The following CSMD1 variants were observed in gnomAD, a reference collection of about 807,000 sequenced individuals.
CSMD1 encodes CUB and Sushi multiple domains 1.
CSMD1 carries 213 observed loss-of-function variants against 417.5 expected under a neutral mutation model. That is an observed-to-expected ratio of 0.51 (90% CI 0.46 to 0.57). CSMD1 has a LOEUF of 0.57. Among genes scored for constraint, CSMD1 ranks in the 20% least tolerant of loss-of-function variants. The probability of loss-of-function intolerance (pLI) is 0.00; values close to 1 mark genes in which losing one functional copy is unlikely to be tolerated. For missense variants in CSMD1, 6,923 were observed against 4,529.7 expected, an observed-to-expected ratio of 1.53 and a Z score of -15.17; for synonymous variants, 2,862 against 1,736.8, an observed-to-expected ratio of 1.65 and a Z score of -16.11.
chr8:4,331,213 T>A (rs957740379), intron 3 of CSMD1, among the ~76,000 whole-genome samples: 1 of 152,168 alleles, frequency 6.6e-6, no homozygotes, highest in Admixed American at 6.5e-5. Context: ...ACAAGATTAC[T>A]GCCTCCCAGG....
intron 7 of CSMD1, among the ~76,000 whole-genome samples, chr8:3,685,135 GT>G (rs1337069380): frequency 6.6e-5 from 10 of 152,112 alleles, no homozygotes; most frequent in African/African-American, 2.4e-4. Context: ...TTTTTAAAGT[GT>G]TTTGATGTCA....
At chr8:4,116,389 C>G (rs967126737) in intron 3 of CSMD1, among the ~76,000 whole-genome samples, 2 of 152,174 alleles carry the variant, frequency 1.3e-5, no homozygotes, top group African/African-American at 4.8e-5. Flanking sequence ...TGGAATATAC[C>G]ACACCATGAA....
At chr8:3,324,979 G>GA (rs918176302) in intron 23 of CSMD1, among the ~76,000 whole-genome samples, 24 of 145,388 alleles carry the variant, frequency 1.7e-4, no homozygotes, top group South Asian at 4.3e-4. Flanking sequence ...TGGTTTAAAA[G>GA]AAAAAAAAAA....
intron 5 of CSMD1, among the ~76,000 whole-genome samples, chr8:3,804,236 G>A (rs1800608742): frequency 6.6e-6 from 1 of 152,002 alleles, no homozygotes; most frequent in Admixed American, 6.6e-5. Context: ...CAAGCCTAGA[G>A]ACAAAATTTT....
intron 5 of CSMD1, among the ~76,000 whole-genome samples, chr8:3,869,487 C>T (rs1291006654): frequency 6.6e-6 from 1 of 152,148 alleles, no homozygotes; most frequent in Non-Finnish European, 1.5e-5. Flanking sequence ...CCCTAAATGG[C>T]TAGTGAGGCT....
chr8:4,234,298 T>C (rs1278354218), intron 3 of CSMD1, among the ~76,000 whole-genome samples: 2 of 152,158 alleles, frequency 1.3e-5, no homozygotes, highest in African/African-American at 2.4e-5. Context: ...GACCCATCCA[T>C]AGAGCTGGCG....
At chr8:3,664,422 A>T (rs1406710928) in intron 7 of CSMD1, among the ~76,000 whole-genome samples, 1 of 152,196 alleles carries the variant, frequency 6.6e-6, no homozygotes, top group Non-Finnish European at 1.5e-5. Flanking sequence ...TTCTCTTCCA[A>T]AACCATGTTA....
chr8:4,638,052 G>C (rs1802948392), intron 1 of CSMD1, among the ~76,000 whole-genome samples: 1 of 152,108 alleles, frequency 6.6e-6, no homozygotes, highest in Non-Finnish European at 1.5e-5. Flanking sequence ...AAAGATAGAG[G>C]ACAACAACAA....
At chr8:4,019,070 G>T (rs1176088010) in intron 4 of CSMD1, among the ~76,000 whole-genome samples, 1 of 152,164 alleles carries the variant, frequency 6.6e-6, no homozygotes, top group African/African-American at 2.4e-5. Context: ...TACTCCATTT[G>T]CTAGAAATTG....
intron 6 of CSMD1, among the ~76,000 whole-genome samples, chr8:3,725,706 G>C (rs1433599435): frequency 8.3e-6 from 1 of 121,190 alleles, no homozygotes; most frequent in African/African-American, 2.9e-5. Context: ...ACTGCAATGA[G>C]AGAGTAGGCA....
rs538638492 is a variant in CSMD1 at position 3,460,650 on chromosome 8, C to T, written c.1561+8062G>A. 8.5e-5 allele frequency among the ~76,000 whole-genome samples: 13 copies of T among 152,170 alleles called. No individual in the cohort carries two copies. In the South Asian group the frequency reaches 1.0e-3, roughly 12 times the overall value. ...ATGGGATAGAAGGATATTTACTAGA[C>T]GGAACTGACCGAAATTCGTGGAGAA... On this transcript the variant is annotated intron_variant, in intron 12 of 69. Coordinates refer to ENST00000635120, the MANE Select transcript of CSMD1 (RefSeq NM_033225.6).
intron 25 of CSMD1, among the ~76,000 whole-genome samples, chr8:3,306,990 C>T (rs781383963): frequency 7.9e-5 from 12 of 151,576 alleles, no homozygotes; most frequent in Non-Finnish European, 1.8e-4. Flanking sequence ...ATATGTGTTA[C>T]TTTAGAGTAC....
At chr8:3,241,435 G>A (rs1409243224) in intron 26 of CSMD1, among the ~76,000 whole-genome samples, 1 of 152,178 alleles carries the variant, frequency 6.6e-6, no homozygotes, top group Non-Finnish European at 1.5e-5. Context: ...CTCGGCATCT[G>A]TGTTGGTCTA....
At chr8:4,980,915 A>AG (rs1030381789) in intron 1 of CSMD1, among the ~76,000 whole-genome samples, 1 of 151,966 alleles carries the variant, frequency 6.6e-6, no homozygotes, top group Non-Finnish European at 1.5e-5. Flanking sequence ...AAAAAAAAAA[A>AG]CTTATTATCT....
intron 5 of CSMD1, among the ~76,000 whole-genome samples, chr8:3,962,923 T>A (rs1195683448): frequency 1.9e-4 from 29 of 152,182 alleles, no homozygotes; most frequent in Non-Finnish European, 1.5e-5. Context: ...TCCACAAAAC[T>A]TTTCACTCAG....
At chr8:4,053,655 T>C (rs567040794) in intron 3 of CSMD1, among the ~76,000 whole-genome samples, 5 of 152,224 alleles carry the variant, frequency 3.3e-5, no homozygotes, top group African/African-American at 1.2e-4. Flanking sequence ...GTCATATACA[T>C]AGAAACATAC....
At chr8:3,733,976 A>AG (rs984599336) in intron 6 of CSMD1, among the ~76,000 whole-genome samples, 17 of 152,010 alleles carry the variant, frequency 1.1e-4, no homozygotes, top group African/African-American at 3.6e-4. Flanking sequence ...TTCAAGGATA[A>AG]GGGGGGGATG....
At chr8:4,263,858 A>C (rs1254872122) in intron 3 of CSMD1, among the ~76,000 whole-genome samples, 3 of 152,134 alleles carry the variant, frequency 2.0e-5, no homozygotes, top group African/African-American at 7.2e-5. Flanking sequence ...ACATTAACTT[A>C]TTTGTGTTTT....
intron 3 of CSMD1, among the ~76,000 whole-genome samples, chr8:4,036,595 G>A (rs929246179): frequency 6.6e-6 from 1 of 152,114 alleles, no homozygotes; most frequent in Non-Finnish European, 1.5e-5. Context: ...TTTTAATAGG[G>A]AAAAATTAAG....
Sources: gnomAD v4.1 joint callset for allele counts (sites outside exome capture counted in the v4.1 genomes callset) on GRCh38, gnomAD v4.1.1 for gene constraint, MANE v1.5 for transcripts, NCBI Gene and HGNC (gene_info 2026-07-23, HGNC 2026-07-21) for gene names.